NKAIN3: variants seen among roughly 807,000 people sequenced by gnomAD.
NKAIN3 encodes the protein sodium/potassium transporting ATPase interacting 3.
Under a neutral mutation model 30.2 loss-of-function variants are expected in NKAIN3, and 25 were observed. That is an observed-to-expected ratio of 0.83 (90% CI 0.60 to 1.16). NKAIN3 has a LOEUF of 1.16. Among genes scored for constraint, NKAIN3 ranks in the 50% most tolerant of loss-of-function variants. NKAIN3 has a pLI of 0.00. For missense variants in NKAIN3, 225 were observed against 254.1 expected, an observed-to-expected ratio of 0.89 and a Z score of 0.78; for synonymous variants, 91 against 89.6, an observed-to-expected ratio of 1.02 and a Z score of -0.09.
rs57988849 is a variant in NKAIN3, at chr8:62,814,541, A to G, written c.471+67412A>G. Among the ~76,000 whole-genome samples, 1,483 of 152,244 alleles carry G rather than the reference A, an allele frequency of 9.7e-3. 24 individuals are homozygous for G. Among genetic ancestry groups the G allele is most frequent in the African/African-American group, 0.034 (1,402 of 41,530 alleles). On this transcript the variant is annotated intron_variant, in intron 4 of 6. Transcript: ENST00000623646. ...ATGATAACAAACTGTCTCTCAGACCACAGTGCAATCAAACTAGAACTCAGG... is the reference window on the plus strand; with the variant it reads ...ATGATAACAAACTGTCTCTCAGACCGCAGTGCAATCAAACTAGAACTCAGG...
chr8:62,470,704 G>A (rs965650929), intron 1 of NKAIN3, among the ~76,000 whole-genome samples: 4 of 151,944 alleles, frequency 2.6e-5, no homozygotes, highest in Middle Eastern at 3.4e-3. Flanking sequence ...AAGATGTTTC[G>A]TATATCAAAT....
chr8:62,659,647 G>C (rs549734558), intron 3 of NKAIN3, among the ~76,000 whole-genome samples: 1 of 152,250 alleles, frequency 6.6e-6, no homozygotes, highest in South Asian at 2.1e-4. Flanking sequence ...GCTGCTTTCT[G>C]GTTGAAGGGT....
At chr8:62,339,319 GA>G (rs2129590781) in intron 1 of NKAIN3, among the ~76,000 whole-genome samples, 1 of 152,142 alleles carries the variant, frequency 6.6e-6, no homozygotes, top group Admixed American at 6.5e-5. Flanking sequence ...TCCTTAGCCA[GA>G]TAGGAAGCTA....
intron 1 of NKAIN3, among the ~76,000 whole-genome samples, chr8:62,367,639 A>G (rs1319126374): frequency 6.6e-6 from 1 of 152,174 alleles, no homozygotes; most frequent in Non-Finnish European, 1.5e-5. Context: ...TTTATGCTCA[A>G]TGGTGAAAAA....
intron 4 of NKAIN3, among the ~76,000 whole-genome samples, chr8:62,865,248 G>T (rs1218775123): frequency 6.6e-6 from 1 of 152,138 alleles, no homozygotes; most frequent in Non-Finnish European, 1.5e-5. Flanking sequence ...TGTTAGAAAT[G>T]GTTCCAGAAA....
At chr8:62,997,960 G>T (rs1805072730) in intron 5 of NKAIN3, among the ~76,000 whole-genome samples, 1 of 152,146 alleles carries the variant, frequency 6.6e-6, no homozygotes, top group African/African-American at 2.4e-5. Context: ...TTGACATGAG[G>T]TTTGAGTTGG....
chr8:62,926,912 T>C (rs1436602551), intron 5 of NKAIN3, among the ~76,000 whole-genome samples: 1 of 151,970 alleles, frequency 6.6e-6, no homozygotes, highest in Non-Finnish European at 1.5e-5. Context: ...CTTGCTCTCT[T>C]AATTATTTTT....
At chr8:62,833,075 T>C (rs1819245763) in intron 4 of NKAIN3, among the ~76,000 whole-genome samples, 1 of 151,912 alleles carries the variant, frequency 6.6e-6, no homozygotes, top group South Asian at 2.1e-4. Context: ...ATTAAACAAC[T>C]TGCTCCCGAA....
chr8:62,456,446 G>A (rs1805821777), intron 1 of NKAIN3, among the ~76,000 whole-genome samples: 1 of 152,104 alleles, frequency 6.6e-6, no homozygotes, highest in East Asian at 1.9e-4. Flanking sequence ...GTGAACCTGT[G>A]AGGCAGAGCT....
At chr8:62,586,041 C>A (rs1479213184) in intron 2 of NKAIN3, among the ~76,000 whole-genome samples, 1 of 152,040 alleles carries the variant, frequency 6.6e-6, no homozygotes, top group Non-Finnish European at 1.5e-5. Flanking sequence ...ATAAGATTAA[C>A]CTTGAAATTA....
intron 3 of NKAIN3, among the ~76,000 whole-genome samples, chr8:62,703,768 C>G (rs1401569924): frequency 6.6e-6 from 1 of 152,134 alleles, no homozygotes; most frequent in Non-Finnish European, 1.5e-5. Context: ...AAGCTACACA[C>G]TTGATCTATT....
chr8:62,743,302 T>A (rs552046686), intron 3 of NKAIN3, among the ~76,000 whole-genome samples: 4 of 152,244 alleles, frequency 2.6e-5, no homozygotes, highest in South Asian at 2.1e-4. Context: ...TAAAAAAAAA[T>A]GTTTCTAATC....
chr8:62,987,949 G>A (rs1396921229), downstream of NKAIN3, among the ~76,000 whole-genome samples: 1 of 152,226 alleles, frequency 6.6e-6, no homozygotes, highest in Non-Finnish European at 1.5e-5. Context: ...GATACAAGGG[G>A]AGTACAGGCA....
chr8:62,997,721 T>C (rs745579873), intron 5 of NKAIN3, among the ~76,000 whole-genome samples: 16 of 151,192 alleles, frequency 1.1e-4, no homozygotes, highest in Non-Finnish European at 7.4e-5. Context: ...CTATTATTAG[T>C]TTTCAATTTA....
intron 4 of NKAIN3, among the ~76,000 whole-genome samples, chr8:62,781,059 G>A (rs1817340166): frequency 6.6e-6 from 1 of 151,968 alleles, no homozygotes; most frequent in Admixed American, 6.6e-5. Context: ...AAAACTCTTA[G>A]AACTTACAAA....
chr8:62,657,357 T>C (rs1440934877), intron 3 of NKAIN3, among the ~76,000 whole-genome samples: 1 of 152,198 alleles, frequency 6.6e-6, no homozygotes, highest in African/African-American at 2.4e-5. Flanking sequence ...TATAATTCAT[T>C]TGGATCCACT....
At chr8:62,619,718 G>T (rs965890513) in intron 3 of NKAIN3, among the ~76,000 whole-genome samples, 10 of 149,940 alleles carry the variant, frequency 6.7e-5, no homozygotes, top group Admixed American at 3.3e-4. Context: ...AAAAAGGCTG[G>T]AAATATTCAA....
intron 1 of NKAIN3, among the ~76,000 whole-genome samples, chr8:62,532,630 C>T (rs1003678883): frequency 6.6e-6 from 1 of 152,146 alleles, no homozygotes; most frequent in Non-Finnish European, 1.5e-5. Context: ...TGGATGAACA[C>T]CGTATTGAGC....
At chr8:62,955,726 C>T (rs1823402213) in intron 6 of NKAIN3, among the ~76,000 whole-genome samples, 8 of 152,176 alleles carry the variant, frequency 5.3e-5, no homozygotes. Context: ...TGGCATGGCC[C>T]AGAGGCAAGT....
Sources: gnomAD v4.1 joint callset for allele counts (sites outside exome capture counted in the v4.1 genomes callset) on GRCh38, gnomAD v4.1.1 for gene constraint, MANE v1.5 for transcripts, NCBI Gene and HGNC (gene_info 2026-07-23, HGNC 2026-07-21) for gene names.